LRRC49: variants seen among roughly 807,000 people sequenced by gnomAD.
The protein encoded by LRRC49 is leucine rich repeat containing 49, also known as leucine-rich repeat-containing protein 49.
Under a neutral mutation model 83.3 loss-of-function variants are expected in LRRC49, and 50 were observed. The ratio of observed to expected loss-of-function variants is 0.60; its 90% CI spans 0.48 to 0.76. The LOEUF is 0.76. LRRC49 is among the 30% of genes least tolerant of loss of function. The pLI, the probability that LRRC49 is intolerant of heterozygous loss-of-function variation, is 0.00. For synonymous variants in LRRC49, 286 were observed against 283.3 expected (o/e 1.01, Z -0.10); for missense variants, 704 against 809.1 (o/e 0.87, Z 1.58).
intron 9 of LRRC49, among the ~76,000 whole-genome samples, chr15:70,970,384 A>G (rs1402620794): frequency 1.3e-5 from 2 of 152,060 alleles, no homozygotes; most frequent in African/African-American, 2.4e-5. Flanking sequence ...GTTTGCCCCT[A>G]TTTTACTGAG....
At chr15:70,872,343 C>T (rs2033065888) in intron 1 of LRRC49, among the ~76,000 whole-genome samples, 1 of 151,378 alleles carries the variant, frequency 6.6e-6, no homozygotes, top group Non-Finnish European at 1.5e-5. Flanking sequence ...GAGATTGCGG[C>T]AGCACAGTCT....
chr15:70,895,876 T>A lies in LRRC49; in HGVS notation c.133T>A (p.Ser45Thr). Residue 45 changes from serine to threonine, a missense_variant, in exon 3 of 16, where the codon TCG (serine) becomes ACG (threonine). Ser to Thr is a moderately conservative substitution (Grantham distance 58). Coordinates refer to ENST00000260382, the MANE Select transcript of LRRC49 (RefSeq NM_017691.5). Reference sequence around the variant, plus strand: ...TGAATTCAAGCTAAATAAAGACACATCGTCATTCCCCGGTAGACTTTTACA... The same window carrying A: ...TGAATTCAAGCTAAATAAAGACACAACGTCATTCCCCGGTAGACTTTTACA... ...KVEFKLNKDT[S>T]SFPGRLLQHD... is the part of the protein sequence containing the mutation. The A allele has an allele frequency of 6.2e-7, 1 of 1,611,292 alleles. No individual in the cohort carries two copies. Among genetic ancestry groups the A allele is most frequent in the Non-Finnish European group, 8.5e-7 (1 of 1,178,836 alleles).
chr15:71,029,951 G>A (rs960555631), intron 14 of LRRC49, among the ~76,000 whole-genome samples: 7 of 152,152 alleles, frequency 4.6e-5, no homozygotes, highest in South Asian at 2.1e-4. Context: ...ACAGCACACC[G>A]ATGGGTCTTA....
intron 8 of LRRC49, among the ~76,000 whole-genome samples, chr15:70,953,766 T>C (rs2036301922): frequency 1.3e-5 from 2 of 152,216 alleles, no homozygotes; most frequent in Non-Finnish European, 2.9e-5. Flanking sequence ...AGTTACAGGT[T>C]TGGTCTCTAT....
At chr15:71,045,225 C>G (rs1025428868) in intron 15 of LRRC49, among the ~76,000 whole-genome samples, 11 of 152,210 alleles carry the variant, frequency 7.2e-5, no homozygotes, top group African/African-American at 2.2e-4. Flanking sequence ...ATATTTTCTT[C>G]AATAGTTTTT....
In LRRC49 at chr15:71,049,604, C is replaced by A; in HGVS notation, c.2053C>A (p.Gln685Lys). ...MKLCLQQITD[Q>K]K ...GCTCTGCCTACAGCAGATAACAGAC[C>A]AAAAATAAAAATGGCCTTTAGTTAC... Residue 685 changes from glutamine to lysine, a missense_variant, in exon 16 of 16, where the codon CAA becomes AAA. By Grantham distance (53) the Gln-to-Lys change is moderately conservative. Around this residue, in one of 3 missense-constraint regions of LRRC49, gnomAD observed 275 missense variants for 338.0 expected, o/e 0.81. Coordinates refer to ENST00000260382, the MANE Select transcript of LRRC49 (RefSeq NM_017691.5). 1 of 1,591,836 alleles carries A rather than the reference C, an allele frequency of 6.3e-7. No individual in the cohort carries two copies. The highest frequency in any genetic ancestry group is 8.5e-7 in the Non-Finnish European group (1 of 1,173,872).
chr15:70,992,127 C>A (rs768592139), intron 11 of LRRC49, among the ~76,000 whole-genome samples: 22 of 152,220 alleles, frequency 1.4e-4, no homozygotes, highest in Non-Finnish European at 3.2e-4. Context: ...GTGCATTCAT[C>A]ACATAGTTCC....
chr15:70,972,968 C>G (rs2037066236), intron 9 of LRRC49, among the ~76,000 whole-genome samples: 1 of 152,040 alleles, frequency 6.6e-6, no homozygotes, highest in Admixed American at 6.6e-5. Context: ...TACTACCCAC[C>G]TTCTGAAGCC....
intron 9 of LRRC49, among the ~76,000 whole-genome samples, chr15:70,970,988 TTCTGC>T (rs1406862613): frequency 1.3e-5 from 2 of 152,224 alleles, no homozygotes; most frequent in Non-Finnish European, 2.9e-5. Flanking sequence ...TCCCCTTCAG[TTCTGC>T]TCTGATCTTA....
At chr15:70,996,550 A>T (rs1323896945) in intron 11 of LRRC49, among the ~76,000 whole-genome samples, 1 of 152,048 alleles carries the variant, frequency 6.6e-6, no homozygotes, top group Non-Finnish European at 1.5e-5. Flanking sequence ...AAATCTTTAA[A>T]TGTATATTAT....
At chr15:70,927,740 T>C (rs924457144) in intron 7 of LRRC49, among the ~76,000 whole-genome samples, 7 of 152,152 alleles carry the variant, frequency 4.6e-5, no homozygotes, top group Non-Finnish European at 1.5e-5. Context: ...CTTGACCTCC[T>C]GGGCTGAAGC....
chr15:70,891,455 C>T (rs1027124232), upstream of LRRC49, among the ~76,000 whole-genome samples: 1 of 152,104 alleles, frequency 6.6e-6, no homozygotes, highest in African/African-American at 2.4e-5. Context: ...TAATGTTATG[C>T]AACACAGTTT....
intron 1 of LRRC49, among the ~76,000 whole-genome samples, chr15:70,871,082 T>C (rs1157954436): frequency 6.6e-6 from 1 of 152,030 alleles, no homozygotes; most frequent in Admixed American, 6.5e-5. Context: ...GTGGTTTTCC[T>C]AGGCAGAGGA....
At chr15:70,914,238 A>C (rs538077390) in intron 6 of LRRC49, among the ~76,000 whole-genome samples, 35 of 152,252 alleles carry the variant, frequency 2.3e-4, no homozygotes, top group Middle Eastern at 6.8e-3. Flanking sequence ...CCAGGAAGGA[A>C]CTATTCTAGA....
chr15:70,893,971 T>G (rs568610714), intron 2 of LRRC49, among the ~76,000 whole-genome samples: 1 of 152,136 alleles, frequency 6.6e-6, no homozygotes, highest in Admixed American at 6.5e-5. Flanking sequence ...TTTGGCTCAC[T>G]GCAACCTCTG....
chr15:71,039,734 C>A (rs1413668770), intron 15 of LRRC49, among the ~76,000 whole-genome samples: 2 of 152,090 alleles, frequency 1.3e-5, no homozygotes, highest in East Asian at 3.9e-4. Flanking sequence ...TATGGAGGGC[C>A]AACTGTATTT....
intron 2 of LRRC49, among the ~76,000 whole-genome samples, chr15:70,875,152 A>G (rs2033125637): frequency 6.6e-6 from 1 of 152,230 alleles, no homozygotes; most frequent in South Asian, 2.1e-4. Flanking sequence ...TGTGAACCAG[A>G]CCATCCCTAA....
chr15:70,950,885 G>A (rs1226391679), intron 8 of LRRC49, among the ~76,000 whole-genome samples: 1 of 152,028 alleles, frequency 6.6e-6, no homozygotes, highest in Non-Finnish European at 1.5e-5. Context: ...GGTTTTTATT[G>A]GTTTAGGTCT....
chr15:70,987,232 C>G (rs1421124167), intron 11 of LRRC49, among the ~76,000 whole-genome samples: 1 of 152,138 alleles, frequency 6.6e-6, no homozygotes, highest in Non-Finnish European at 1.5e-5. Flanking sequence ...CCTTGTACCT[C>G]TGGTAGAATT....
Sources: gnomAD v4.1 joint callset for allele counts (sites outside exome capture counted in the v4.1 genomes callset) on GRCh38, gnomAD v4.1.1 for gene constraint, gnomAD v4.1.1 regional missense constraint, MANE v1.5 for transcripts, NCBI Gene and HGNC (gene_info 2026-07-23, HGNC 2026-07-21) for gene names.